Variants in ARHGEF9 observed in about 807,000 individuals in gnomAD.
The protein encoded by ARHGEF9 is rho guanine nucleotide exchange factor 9.
A neutral mutation model predicts 41.3 loss-of-function variants in ARHGEF9; 2 were observed. That is an observed-to-expected ratio of 0.05 (90% confidence interval 0.02 to 0.15). The LOEUF is 0.15. ARHGEF9 is among the 10% of genes least tolerant of loss of function. The probability of loss-of-function intolerance (pLI) is 1.00; values close to 1 mark genes in which losing one functional copy is unlikely to be tolerated. For missense variants in ARHGEF9, 225 were observed against 424.7 expected, an observed-to-expected ratio of 0.53 and a Z score of 4.13; for synonymous variants, 160 against 154.4, an observed-to-expected ratio of 1.04 and a Z score of -0.27.
intron 1 of ARHGEF9, among the ~76,000 whole-genome samples, chrX:63,761,834 G>T (rs782111416): frequency 3.6e-5 from 4 of 111,210 alleles, no homozygotes; most frequent in Non-Finnish European, 7.5e-5. Flanking sequence ...ATCTATTTTG[G>T]GCCTATTTCA....
At position 63,638,100 on chromosome X, in the gene ARHGEF9, C is replaced by A. The variant is rs2147114132; in HGVS notation, c.1500G>T (p.Glu500Asp). 1.7e-6 allele frequency: 2 copies of A among 1,209,993 alleles called. No homozygotes were observed. The highest frequency in any genetic ancestry group is 2.2e-6 in the Non-Finnish European group (2 of 894,835). ...ACTGGCTGCGCTTGGGTTCGGTGAACTCAAAGACCTGCGACTGAGCGATGC... is the reference window on the plus strand; with the variant it reads ...ACTGGCTGCGCTTGGGTTCGGTGAAATCAAAGACCTGCGACTGAGCGATGC... Reference protein sequence around the residue: ...PDGIAQSQVFEFTEPKRSQSP... With the variant: ...PDGIAQSQVFDFTEPKRSQSP... Residue 500 changes from glutamate (E) to aspartate (D), a missense_variant, in exon 10 of 10, where the codon GAG becomes GAT. Glu to Asp is a conservative substitution (Grantham distance 45). Transcript: ENST00000671741.
chrX:63,668,154 G>A (rs1327072377), intron 6 of ARHGEF9, among the ~76,000 whole-genome samples: 1 of 109,120 alleles, frequency 9.2e-6, no homozygotes, highest in Non-Finnish European at 1.9e-5. Context: ...TCTTTTTTGA[G>A]ACAGAGTCTC....
rs868983134 is a variant in ARHGEF9 at position 63,637,960 on chromosome X, A to C, written c.*68T>G. The C allele has an allele frequency of 1.4e-4, 152 of 1,050,394 alleles. No individual in the cohort carries two copies. The Middle Eastern group carries it at 9.5e-3, about 65-fold the overall frequency. The allele number at this position is 1,050,394 out of a possible 1,213,427, so 86.6% of individuals were successfully genotyped here. On this transcript the variant is annotated 3_prime_UTR_variant, in exon 10 of 10. Coordinates refer to ENST00000671741, the MANE Select transcript of ARHGEF9 (RefSeq NM_001353921.2). ...TATAAATTTCAACAGTGCTTCTCCG[A>C]AAAAAGGTCCATCTATAAATATAAT... is the stretch of plus-strand genomic sequence containing the variant.
intron 6 of ARHGEF9, among the ~76,000 whole-genome samples, chrX:63,672,373 G>GGATGTGTGGGCTTACATGAGATT (rs1556356724): frequency 9.1e-6 from 1 of 110,095 alleles, no homozygotes; most frequent in African/African-American, 3.3e-5. Context: ...CACCAAGCAG[G>GGATGTGTGGGCTTACATGAGATT]AGCGTACAAG....
chrX:63,710,364 T>TA (rs1350756850), intron 2 of ARHGEF9, among the ~76,000 whole-genome samples: 6 of 105,770 alleles, frequency 5.7e-5, no homozygotes, highest in Non-Finnish European at 1.2e-4. Flanking sequence ...ACCAAACATT[T>TA]AAAAAATAAC....
chrX:63,744,443 T>C (rs2055145330), intron 1 of ARHGEF9, among the ~76,000 whole-genome samples: 1 of 112,373 alleles, frequency 8.9e-6, no homozygotes, highest in African/African-American at 3.2e-5. Context: ...ATGAGGAGAT[T>C]AGAATCAGGA....
chrX:63,762,082 C>G (rs1423150703), intron 1 of ARHGEF9, among the ~76,000 whole-genome samples: 2 of 111,497 alleles, frequency 1.8e-5, no homozygotes, highest in Admixed American at 1.9e-4. Flanking sequence ...GTATCAGAAC[C>G]CAGTGTTTAG....
At chrX:63,769,261 C>T (rs2056163268) in intron 1 of ARHGEF9, among the ~76,000 whole-genome samples, 1 of 110,179 alleles carries the variant, frequency 9.1e-6, no homozygotes, top group African/African-American at 3.3e-5. Context: ...GCATTTTGCC[C>T]CTGCCCTAGA....
At chrX:63,647,729 G>T (rs1556318300) in intron 8 of ARHGEF9, among the ~76,000 whole-genome samples, 1 of 111,200 alleles carries the variant, frequency 9.0e-6, no homozygotes, top group Non-Finnish European at 1.9e-5. Flanking sequence ...TTGGTATCAG[G>T]ATGATGCTTG....
At position 63,770,347 on chromosome X, in the gene ARHGEF9, A is replaced by T. The variant is rs1277336389; in HGVS notation, c.30+14769T>A. 8.0e-5 allele frequency among the ~76,000 whole-genome samples: 9 copies of T among 112,491 alleles called. No individual in the cohort carries two copies. In the Admixed American group the frequency reaches 8.4e-4, roughly 11 times the overall value. ...TATTTGAAACTTGCATGGGGCCTGG[A>T]GCCCCTTTGTTTTGGCCAATTTCTC... On this transcript the variant is annotated intron_variant, in intron 1 of 9. Transcript: ENST00000671741.
chrX:63,778,588 A>G (rs181572790), intron 1 of ARHGEF9, among the ~76,000 whole-genome samples: 5 of 112,544 alleles, frequency 4.4e-5, no homozygotes, highest in East Asian at 5.5e-4. Context: ...CCAAACTTGT[A>G]TGCTCTGCTT....
intron 6 of ARHGEF9, among the ~76,000 whole-genome samples, chrX:63,666,417 TACAC>T (rs781937350): frequency 6.7e-5 from 6 of 89,403 alleles, no homozygotes; most frequent in African/African-American, 2.1e-4. Context: ...TATATATATA[TACAC>T]ACACACACAC....
chrX:63,712,001 C>A (rs1482245020), intron 2 of ARHGEF9, among the ~76,000 whole-genome samples: 1 of 111,828 alleles, frequency 8.9e-6, no homozygotes, highest in East Asian at 2.8e-4. Context: ...ATATAAATGG[C>A]CAATAAATAC....
In ARHGEF9 at chrX:63,734,422, T is replaced by C. The variant is rs782597368; in HGVS notation, c.31-9711A>G. On this transcript the variant is annotated intron_variant, in intron 1 of 9. Coordinates refer to ENST00000671741, the MANE Select transcript of ARHGEF9 (RefSeq NM_001353921.2). ...GCACTTCTGACGCATTACAACACTG[T>C]TTCTTAATGTGAGGTCCACAGACCC... Among the ~76,000 whole-genome samples the C allele has an allele frequency of 3.6e-5, 4 of 112,242 alleles. No homozygotes were observed. The East Asian group carries it at 1.1e-3, about 31-fold the overall frequency.
rs782685986 is a variant in ARHGEF9 at position 63,775,859 on chromosome X, C to A, written c.30+9257G>T. On this transcript the variant is annotated intron_variant, in intron 1 of 9. Coordinates refer to ENST00000671741, the MANE Select transcript of ARHGEF9 (RefSeq NM_001353921.2). ...AGAAGATAAAAATAAAAAATAAAATCAAAAGTACATTTAAATACTGTCTCT... is the reference window on the plus strand; with the variant it reads ...AGAAGATAAAAATAAAAAATAAAATAAAAAGTACATTTAAATACTGTCTCT... 1.1e-3 allele frequency among the ~76,000 whole-genome samples: 123 copies of A among 111,549 alleles called. 1 individual carries two copies. Among genetic ancestry groups the A allele is most frequent in the African/African-American group, 3.9e-3 (120 of 30,730 alleles).
At chrX:63,660,089 C>T (rs145748296) in intron 7 of ARHGEF9, among the ~76,000 whole-genome samples, 1,226 of 111,979 alleles carry the variant, frequency 0.011, 7 homozygotes, top group Non-Finnish European at 0.015. Context: ...GACACATGCA[C>T]GCGTATGTTC....
chrX:63,706,164 T>C, intron 3 of ARHGEF9, 94 bp downstream of exon 3: 1 of 979,832 alleles, frequency 1.0e-6, no homozygotes, highest in East Asian at 3.3e-5. Flanking sequence ...GGAGGCTATG[T>C]GCCCTTTCCA....
chrX:63,664,174 A>G (rs2049381482), intron 7 of ARHGEF9, among the ~76,000 whole-genome samples: 1 of 112,263 alleles, frequency 8.9e-6, no homozygotes, highest in South Asian at 3.7e-4. Context: ...GGCTCCCACT[A>G]TCTGGCTTAG....
At chrX:63,640,678 C>A (rs1349294614) in intron 9 of ARHGEF9, 1 of 112,075 alleles carries the variant, frequency 8.9e-6, no homozygotes, top group African/African-American at 3.2e-5. Flanking sequence ...ACTGTTATTT[C>A]AGCCAGGTTC....
Sources: gnomAD v4.1 joint callset for allele counts (sites outside exome capture counted in the v4.1 genomes callset) on GRCh38, gnomAD v4.1.1 for gene constraint, MANE v1.5 for transcripts, NCBI Gene and HGNC (gene_info 2026-07-23, HGNC 2026-07-21) for gene names.